Variants in DMXL2 observed in about 807,000 individuals in gnomAD.
DMXL2 encodes Dmx like 2, also known as dmX-like protein 2.
A neutral mutation model predicts 331.1 loss-of-function variants in DMXL2; 103 were observed. The ratio of observed to expected loss-of-function variants is 0.31; its 90% CI spans 0.27 to 0.37. The LOEUF (loss-of-function observed/expected upper bound fraction) is 0.37. Ranked by LOEUF, DMXL2 falls within the 10% of genes least tolerant of loss-of-function variation. The probability of loss-of-function intolerance (pLI) is 1.00; values close to 1 mark genes in which losing one functional copy is unlikely to be tolerated. For missense variants in DMXL2, 3,171 were observed against 3,642.9 expected (o/e 0.87, Z 3.33); for synonymous variants, 1,281 against 1,252.1 (o/e 1.02, Z -0.49).
At chr15:51,472,246 C>T (rs2041185681) in intron 28 of DMXL2, among the ~76,000 whole-genome samples, 1 of 152,116 alleles carries the variant, frequency 6.6e-6, no homozygotes, top group Non-Finnish European at 1.5e-5. Flanking sequence ...TTCCCTACCC[C>T]AGACACAATT....
At chr15:51,545,536 C>T (rs377271562) in intron 8 of DMXL2, 47 bp downstream of exon 8, 1 of 1,549,594 alleles carries the variant, frequency 6.5e-7, no homozygotes, top group African/African-American at 1.4e-5. Context: ...TTCCACCAGG[C>T]TCACATTATC....
At chr15:51,540,917 C>T (rs1386056181) in intron 9 of DMXL2, among the ~76,000 whole-genome samples, 1 of 152,158 alleles carries the variant, frequency 6.6e-6, no homozygotes, top group Non-Finnish European at 1.5e-5. Context: ...ACAGAATGCT[C>T]ATCCTCTGTG....
intron 29 of DMXL2, among the ~76,000 whole-genome samples, chr15:51,470,865 CCTT>C (rs1310974818): frequency 2.0e-5 from 3 of 152,090 alleles, no homozygotes; most frequent in African/African-American, 7.2e-5. Context: ...CCATCCATCT[CCTT>C]CTATTCTAAT....
At chr15:51,471,750 G>A (rs2041133047) in intron 28 of DMXL2, among the ~76,000 whole-genome samples, 1 of 152,208 alleles carries the variant, frequency 6.6e-6, no homozygotes, top group Non-Finnish European at 1.5e-5. Context: ...CACTGAATAT[G>A]TAGAATTTAA....
chr15:51,480,968 A>C lies in DMXL2; in HGVS notation c.6138T>G (p.Ala2046=), dbSNP rs1233000168. The change falls in exon 24 of 44, where the codon GCT becomes GCG. Residue 2046 remains alanine (A), a synonymous_variant. Transcript: ENST00000560891. ...DVIAEQLKFR[A]CLKILMTELR... Reference sequence around the variant, plus strand: ...ATTCAGTCATAAGGATCTTTAAACAAGCTCTGAATTTTAGTTGTTCAGCAA... The same window carrying C: ...ATTCAGTCATAAGGATCTTTAAACACGCTCTGAATTTTAGTTGTTCAGCAA... 2 of 1,614,144 alleles carry C rather than the reference A, an allele frequency of 1.2e-6. No individual in the cohort carries two copies. Among genetic ancestry groups the C allele is most frequent in the Non-Finnish European group, 1.7e-6 (2 of 1,180,000 alleles).
intron 1 of DMXL2, among the ~76,000 whole-genome samples, chr15:51,598,427 T>C (rs1000662656): frequency 2.0e-5 from 3 of 152,196 alleles, no homozygotes; most frequent in African/African-American, 7.2e-5. Context: ...ATTATCAAGA[T>C]CGGGCAATGG....
intron 2 of DMXL2, among the ~76,000 whole-genome samples, chr15:51,572,673 G>A (rs753502283): frequency 4.5e-4 from 68 of 152,114 alleles, no homozygotes; most frequent in Non-Finnish European, 8.2e-4. Context: ...AAAGAGAACC[G>A]ATGACAAAAA....
At chr15:51,555,962 C>T (rs1289102170) in intron 6 of DMXL2, among the ~76,000 whole-genome samples, 2 of 152,162 alleles carry the variant, frequency 1.3e-5, no homozygotes, top group Non-Finnish European at 2.9e-5. Flanking sequence ...GCCAGCATAA[C>T]ATCAACATAA....
intron 6 of DMXL2, among the ~76,000 whole-genome samples, chr15:51,557,131 G>A (rs574697607): frequency 1.2e-4 from 18 of 152,136 alleles, no homozygotes; most frequent in African/African-American, 3.6e-4. Context: ...TTATATAATT[G>A]TGTACATATA....
At chr15:51,609,020 T>C (rs1224471522) in intron 1 of DMXL2, among the ~76,000 whole-genome samples, 2 of 151,944 alleles carry the variant, frequency 1.3e-5, no homozygotes, top group East Asian at 3.9e-4. Flanking sequence ...AGGAAGGGAG[T>C]TAAAAAGCAA....
intron 15 of DMXL2, among the ~76,000 whole-genome samples, chr15:51,512,708 C>T (rs1028011659): frequency 4.0e-5 from 6 of 151,506 alleles, no homozygotes; most frequent in East Asian, 3.9e-4. Context: ...CCCAGCTACT[C>T]GGGAGGCTGA....
At chr15:51,575,418 T>C (rs1159995495) in intron 2 of DMXL2, among the ~76,000 whole-genome samples, 2 of 152,186 alleles carry the variant, frequency 1.3e-5, no homozygotes, top group African/African-American at 4.8e-5. Flanking sequence ...TACATAATAC[T>C]GGCCTTACTG....
intron 1 of DMXL2, among the ~76,000 whole-genome samples, chr15:51,594,077 G>A (rs963773993): frequency 1.1e-4 from 16 of 152,178 alleles, no homozygotes; most frequent in African/African-American, 3.9e-4. Flanking sequence ...GAGCAGAACT[G>A]AAGGAAATAG....
intron 15 of DMXL2, 36 bp from the exon 16 acceptor site, chr15:51,507,289 T>A (rs764658361): frequency 6.3e-7 from 1 of 1,578,952 alleles, no homozygotes; most frequent in Non-Finnish European, 8.6e-7. Context: ...TAAATTAGTA[T>A]GTTTTTATGG....
intron 1 of DMXL2, among the ~76,000 whole-genome samples, chr15:51,617,793 C>A (rs368518203): frequency 1.9e-4 from 29 of 152,300 alleles, no homozygotes; most frequent in African/African-American, 6.7e-4. Context: ...GGTCTCTGAC[C>A]TCCCATTTTT....
intron 34 of DMXL2, 37 bp downstream of exon 34, chr15:51,459,561 T>C (rs892140801): frequency 7.8e-7 from 1 of 1,287,878 alleles, no homozygotes; most frequent in Admixed American, 2.3e-5. Flanking sequence ...CCTTGAACTT[T>C]AAAGAATGAG....
At chr15:51,495,882 A>C (rs1393160442) in intron 18 of DMXL2, among the ~76,000 whole-genome samples, 1 of 152,148 alleles carries the variant, frequency 6.6e-6, no homozygotes, top group Non-Finnish European at 1.5e-5. Context: ...CCAAAGATCA[A>C]GCCCCAGCTC....
At chr15:51,488,414 G>A in intron 21 of DMXL2, 134 bp downstream of exon 21, 4 of 816,812 alleles carry the variant, frequency 4.9e-6, no homozygotes, top group Non-Finnish European at 1.9e-6. Flanking sequence ...ATTTTTTTCA[G>A]CTAAAGGAAC....
chr15:51,598,853 A>C (rs1309173842), intron 1 of DMXL2, among the ~76,000 whole-genome samples: 1 of 152,124 alleles, frequency 6.6e-6, no homozygotes, highest in East Asian at 1.9e-4. Context: ...TTCCTTTATA[A>C]TTAATAAGTA....
Sources: gnomAD v4.1 joint callset for allele counts (sites outside exome capture counted in the v4.1 genomes callset) on GRCh38, gnomAD v4.1.1 for gene constraint, MANE v1.5 for transcripts, NCBI Gene and HGNC (gene_info 2026-07-23, HGNC 2026-07-21) for gene names.